SAMD14: variants seen among roughly 807,000 people sequenced by gnomAD.
SAMD14 encodes sterile alpha motif domain containing 14.
A neutral mutation model predicts 46.2 loss-of-function variants in SAMD14; 27 were observed. That is an observed-to-expected ratio of 0.58 (90% CI 0.43 to 0.81). The LOEUF (loss-of-function observed/expected upper bound fraction) is 0.81, where lower values mean the gene tolerates loss of function less well. Ranked by LOEUF, SAMD14 falls within the 30% of genes least tolerant of loss-of-function variation. The probability of loss-of-function intolerance (pLI) is 0.00; values close to 1 mark genes in which losing one functional copy is unlikely to be tolerated. For synonymous variants in SAMD14, 241 were observed against 254.3 expected (o/e 0.95, Z 0.50); for missense variants, 559 against 582.2 (o/e 0.96, Z 0.41).
intron 1 of SAMD14, among the ~76,000 whole-genome samples, chr17:50,127,736 G>A (rs1422208639): frequency 6.6e-6 from 1 of 152,150 alleles, no homozygotes; most frequent in East Asian, 1.9e-4. Flanking sequence ...TTGAACTCCA[G>A]GGGCTACTAG....
intron 1 of SAMD14, among the ~76,000 whole-genome samples, chr17:50,128,480 TCTCA>T (rs1303206034): frequency 6.8e-5 from 6 of 88,796 alleles, no homozygotes; most frequent in Admixed American, 1.1e-4. Flanking sequence ...CCGCACACTC[TCTCA>T]CACACACACA....
rs764722476 is a variant in SAMD14 at position 50,114,059 on chromosome 17, G to A, written c.963C>T (p.Pro321=). The A allele has an allele frequency of 6.2e-6, 10 of 1,613,682 alleles. No individual in the cohort carries two copies. In the South Asian group the frequency reaches 1.1e-4, roughly 18 times the overall value. ...GCTGGCTGGTCCAGTGGTGGACAGG[G>A]GGGAGGGGTTCATCCAGGAACTGGG... ...SSDEFLDEPL[P]PVHHWTSQQV... The change falls in exon 9 of 10, where the codon CCC becomes CCT. Residue 321 remains proline, a synonymous_variant. Transcript: ENST00000330175.
At chr17:50,119,362 C>A (rs1475922429) in intron 2 of SAMD14, among the ~76,000 whole-genome samples, 1 of 152,130 alleles carries the variant, frequency 6.6e-6, no homozygotes, top group Non-Finnish European at 1.5e-5. Context: ...TCTTCCCAGG[C>A]TTCAAGATGG....
Position 50,110,127 on chromosome 17 carries a change from C to T in SAMD14, c.*2766G>A, listed in dbSNP as rs771415263. 105 of 1,557,382 alleles carry T rather than the reference C, an allele frequency of 6.7e-5. 1 individual carries two copies. The Admixed American group carries it at 1.4e-3, about 21-fold the overall frequency. On this transcript the variant is annotated 3_prime_UTR_variant, in exon 10 of 10. Coordinates refer to ENST00000330175, the MANE Select transcript of SAMD14 (RefSeq NM_001257359.2). ...CGCCGTGCATCTGCACCTGAGAGGACGGACTGCCGCCTCTGGGTCCCCCCA... is the reference window on the plus strand; with the variant it reads ...CGCCGTGCATCTGCACCTGAGAGGATGGACTGCCGCCTCTGGGTCCCCCCA...
intron 2 of SAMD14, among the ~76,000 whole-genome samples, chr17:50,121,507 G>A (rs931652765): frequency 2.0e-5 from 3 of 151,960 alleles, no homozygotes; most frequent in Admixed American, 2.0e-4. Context: ...TAGTAGAGAT[G>A]GGGTTTCGCC....
At chr17:50,117,733 C>T (rs1911299202) in intron 3 of SAMD14, 38 bp from the exon 4 acceptor site, 1 of 1,404,254 alleles carries the variant, frequency 7.1e-7, no homozygotes, top group Non-Finnish European at 9.2e-7. Context: ...GAACCCTCCT[C>T]CTCCCTTCCC....
intron 1 of SAMD14, among the ~76,000 whole-genome samples, chr17:50,126,226 G>A (rs941375976): frequency 9.9e-5 from 15 of 152,140 alleles, no homozygotes; most frequent in African/African-American, 3.6e-4. Flanking sequence ...TAGGCCACAT[G>A]CCTGCTGGGG....
chr17:50,116,567 G>A (rs1350946086), intron 4 of SAMD14, among the ~76,000 whole-genome samples: 5 of 151,528 alleles, frequency 3.3e-5, no homozygotes, highest in African/African-American at 1.2e-4. Context: ...CACCACACCC[G>A]GCTAATTTTT....
In SAMD14 at chr17:50,129,403, G is replaced by A. The variant is rs1221992519; in HGVS notation, c.-13+114C>T. On this transcript the variant is annotated intron_variant, in intron 1 of 9. Coordinates refer to ENST00000330175, the MANE Select transcript of SAMD14 (RefSeq NM_001257359.2). The surrounding 1 kb of genome is among the most constrained non-coding windows in gnomAD (Gnocchi z 5.6). ...CCCCGTGCGGTCCCCCTAGGGATAGGGGAAGAAAGGCCCTTGTCGCTTAGC... is the reference window on the plus strand; with the variant it reads ...CCCCGTGCGGTCCCCCTAGGGATAGAGGAAGAAAGGCCCTTGTCGCTTAGC... 1.3e-5 allele frequency: 2 copies of A among 152,342 alleles called. No homozygotes were observed. Among genetic ancestry groups the A allele is most frequent in the Non-Finnish European group, 2.9e-5 (2 of 68,162 alleles). 9.4% of individuals were successfully genotyped at this position (152,342 alleles called of 1,614,324 possible).
In SAMD14 at chr17:50,120,210, T is replaced by C. The variant is rs2144405907; in HGVS notation, c.44-1883A>G. ...TACACTTTGCTGTAATCTCTAATTT[T>C]GAATCTGTTTGAGATTTTCCTTAAT... is the stretch of plus-strand genomic sequence containing the variant. On this transcript the variant is annotated intron_variant, in intron 2 of 9. Transcript: ENST00000330175. 1.3e-5 allele frequency among the ~76,000 whole-genome samples: 2 copies of C among 152,286 alleles called. 1 individual carries two copies. The highest frequency in any genetic ancestry group is 4.1e-4 in the South Asian group (2 of 4,820).
intron 1 of SAMD14, among the ~76,000 whole-genome samples, chr17:50,126,390 T>C (rs959261060): frequency 2.0e-5 from 3 of 151,480 alleles, no homozygotes; most frequent in Non-Finnish European, 2.9e-5. Flanking sequence ...CTGCAAGCTC[T>C]GCCTCCCGGG....
rs772744444 is a variant in SAMD14 at position 50,112,880 on chromosome 17, T to C, written c.*13A>G. ...GCTGCCCCTGCCGGGTGCCAGCGCC[T>C]GTGCACCCTCCCCTAGCTCTTCTTG... is the stretch of plus-strand genomic sequence containing the variant. On this transcript the variant is annotated 3_prime_UTR_variant, in exon 10 of 10. Coordinates refer to ENST00000330175, the MANE Select transcript of SAMD14 (RefSeq NM_001257359.2). The C allele has an allele frequency of 1.9e-6, 3 of 1,599,444 alleles. No homozygotes were observed. The highest frequency in any genetic ancestry group is 1.7e-5 in the Admixed American group (1 of 59,520).
chr17:50,121,613 C>T (rs147755364), intron 2 of SAMD14, among the ~76,000 whole-genome samples: 89 of 152,312 alleles, frequency 5.8e-4, no homozygotes, highest in African/African-American at 1.9e-3. Flanking sequence ...CCATCGCGCC[C>T]GGCCTGAAGC....
At chr17:50,121,331 T>C (rs528469925) in intron 2 of SAMD14, among the ~76,000 whole-genome samples, 2 of 151,964 alleles carry the variant, frequency 1.3e-5, no homozygotes, top group East Asian at 3.9e-4. Flanking sequence ...TTTTTTTTTC[T>C]TGTGGAGACA....
chr17:50,127,766 T>C (rs1353619155), intron 1 of SAMD14, among the ~76,000 whole-genome samples: 1 of 152,154 alleles, frequency 6.6e-6, no homozygotes, highest in Non-Finnish European at 1.5e-5. Flanking sequence ...AGAACATTTC[T>C]TCCTGTCCTG....
At position 50,129,803 on chromosome 17, in the gene SAMD14, C is replaced by CGT. The variant is rs1049635387; in HGVS notation, c.-301_-300dup. The CGT allele has an allele frequency of 6.2e-5, 9 of 146,110 alleles. No individual in the cohort carries two copies. Among genetic ancestry groups the CGT allele is most frequent in the Non-Finnish European group, 1.2e-4 (8 of 65,662 alleles). The allele number at this position is 146,110 out of a possible 1,614,324, so 9.1% of individuals were successfully genotyped here. ...CAGGAGACCTGACGGGAGGATGCTC[C>CGT]GTGTGTGTGTGCGTGTGCGTGTGCG... On this transcript the variant is annotated 5_prime_UTR_variant, in exon 1 of 10. Coordinates refer to ENST00000330175, the MANE Select transcript of SAMD14 (RefSeq NM_001257359.2). The surrounding 1 kb of genome is among the most constrained non-coding windows in gnomAD (Gnocchi z 5.6).
rs1018155953 is a variant in SAMD14 at position 50,117,460 on chromosome 17, T to C, written c.446A>G (p.Asp149Gly). Reference protein sequence around the residue: ...CSPPRSAPSSDSSPSFVRRHP... With the variant: ...CSPPRSAPSSGSSPSFVRRHP... Reference sequence around the variant, plus strand: ...GCGGCGCACGAAGCTGGGGGAGCTGTCGGAGGAGGGCGCGGAGCGCGGCGG... The same window carrying C: ...GCGGCGCACGAAGCTGGGGGAGCTGCCGGAGGAGGGCGCGGAGCGCGGCGG... Residue 149 changes from aspartate (D) to glycine (G), a missense_variant, in exon 4 of 10, where the codon GAC becomes GGC. Coordinates refer to ENST00000330175, the MANE Select transcript of SAMD14 (RefSeq NM_001257359.2). The C allele has an allele frequency of 1.4e-6, 2 of 1,386,222 alleles. No individual in the cohort carries two copies. Among genetic ancestry groups the C allele is most frequent in the Admixed American group, 3.4e-5 (1 of 29,180 alleles). 85.9% of individuals were successfully genotyped at this position (1,386,222 alleles called of 1,614,324 possible). A position where few individuals can be genotyped will look rare whatever the true frequency, so the allele number is the denominator to read the frequency against.
At position 50,117,905 on chromosome 17, in the gene SAMD14, C is replaced by T. The variant is rs545159744; in HGVS notation, c.211-210G>A. On this transcript the variant is annotated intron_variant, in intron 3 of 9. Transcript: ENST00000330175. ...CACAGGCTGGGGCTGAATTCCCCCTCCTTCACTTACTGTGACTTTGCTCCT... is the reference window on the plus strand; with the variant it reads ...CACAGGCTGGGGCTGAATTCCCCCTTCTTCACTTACTGTGACTTTGCTCCT... 3.1e-5 allele frequency: 20 copies of T among 641,062 alleles called. No homozygotes were observed. In the African/African-American group the frequency reaches 3.6e-4, roughly 12 times the overall value. 39.7% of individuals were successfully genotyped at this position (641,062 alleles called of 1,614,324 possible).
chr17:50,114,371 T>A lies in SAMD14; in HGVS notation c.823-65A>T, dbSNP rs758476921. 1.1e-5 allele frequency: 17 copies of A among 1,613,846 alleles called. No individual in the cohort carries two copies. In the East Asian group the frequency reaches 3.3e-4, roughly 32 times the overall value. On this transcript the variant is annotated intron_variant, in intron 7 of 9. Coordinates refer to ENST00000330175, the MANE Select transcript of SAMD14 (RefSeq NM_001257359.2). ...CCCCAACCCACCATCCCTATCTGGGTGGAGCCGAAGTCCTGGACTAGGCAC... is the reference window on the plus strand; with the variant it reads ...CCCCAACCCACCATCCCTATCTGGGAGGAGCCGAAGTCCTGGACTAGGCAC...
Sources: allele counts gnomAD v4.1 joint callset (sites outside exome capture counted in the v4.1 genomes callset), GRCh38; gene constraint gnomAD v4.1.1; non-coding constraint Gnocchi (gnomAD v3.1); transcripts MANE v1.5; gene names NCBI Gene and HGNC (gene_info 2026-07-23, HGNC 2026-07-21).